TBC1D22A: variants seen among roughly 807,000 people sequenced by gnomAD.
TBC1D22A encodes putative GTPase activator.
A neutral mutation model predicts 60.2 loss-of-function variants in TBC1D22A; 38 were observed. The observed-to-expected ratio is 0.63, with a 90% confidence interval of 0.49 to 0.83. The LOEUF (loss-of-function observed/expected upper bound fraction) is 0.83. Among genes scored for constraint, TBC1D22A ranks in the 40% least tolerant of loss-of-function variants. The pLI is 0.00. For synonymous variants in TBC1D22A, 302 were observed against 281.7 expected (o/e 1.07, Z -0.72); for missense variants, 628 against 701.0 (o/e 0.90, Z 1.18).
intron 11 of TBC1D22A, among the ~76,000 whole-genome samples, chr22:47,108,203 T>C (rs1243253036): frequency 6.6e-6 from 1 of 152,234 alleles, no homozygotes; most frequent in Non-Finnish European, 1.5e-5. Context: ...TTCCTAAGTA[T>C]TTATCCAAGC....
At chr22:47,152,614 G>C (rs987159055) in intron 12 of TBC1D22A, among the ~76,000 whole-genome samples, 2 of 152,250 alleles carry the variant, frequency 1.3e-5, no homozygotes, top group Non-Finnish European at 2.9e-5. Context: ...GCCACACTTA[G>C]GGCCACTCTT....
chr22:46,980,004 A>C (rs1229666762), intron 9 of TBC1D22A, among the ~76,000 whole-genome samples: 1 of 152,058 alleles, frequency 6.6e-6, no homozygotes. Context: ...CAAACCAAGC[A>C]GAGAAGGAGT....
At chr22:46,970,297 C>T (rs2073996873) in intron 8 of TBC1D22A, among the ~76,000 whole-genome samples, 1 of 151,910 alleles carries the variant, frequency 6.6e-6, no homozygotes, top group South Asian at 2.1e-4. Context: ...GCATCTGGTT[C>T]TGCTTCCTGT....
At chr22:47,114,948 C>G (rs948453269) in intron 12 of TBC1D22A, among the ~76,000 whole-genome samples, 1 of 151,662 alleles carries the variant, frequency 6.6e-6, no homozygotes, top group Non-Finnish European at 1.5e-5. Context: ...GCCTTTGAGC[C>G]TCATGCGGGC....
At chr22:47,146,770 G>C (rs2067300392) in intron 12 of TBC1D22A, among the ~76,000 whole-genome samples, 1 of 152,230 alleles carries the variant, frequency 6.6e-6, no homozygotes. Flanking sequence ...TCATCTGGAG[G>C]ATGGGACGCC....
rs566497338 is a variant in TBC1D22A at position 46,834,227 on chromosome 22, T to G, written c.637+36607T>G. 3.0e-4 allele frequency among the ~76,000 whole-genome samples: 46 copies of G among 152,266 alleles called. 1 individual carries two copies. The South Asian group carries it at 8.7e-3, about 29-fold the overall frequency. ...GAAATACCAGAATAAAAAAGCACAC[T>G]GTGGCAAATGATGTCAGAAAGATGG... is the stretch of plus-strand genomic sequence containing the variant. On this transcript the variant is annotated intron_variant, in intron 4 of 12. Coordinates refer to ENST00000337137, the MANE Select transcript of TBC1D22A (RefSeq NM_014346.5).
chr22:46,778,915 G>A (rs965507823), intron 1 of TBC1D22A, among the ~76,000 whole-genome samples: 1 of 152,070 alleles, frequency 6.6e-6, no homozygotes, highest in Non-Finnish European at 1.5e-5. Context: ...GTGGTGGTGG[G>A]CACCTGTAAT....
intron 7 of TBC1D22A, among the ~76,000 whole-genome samples, chr22:46,901,697 T>G (rs6007995): frequency 0.15 from 17,994 of 117,908 alleles, 2,378 homozygotes; most frequent in African/African-American, 0.37. Flanking sequence ...CATCAAGTGT[T>G]ATAACTCACA....
intron 4 of TBC1D22A, among the ~76,000 whole-genome samples, chr22:46,875,915 G>T (rs1028312495): frequency 1.3e-5 from 2 of 152,158 alleles, no homozygotes; most frequent in Admixed American, 6.5e-5. Flanking sequence ...ACCTTCAGGA[G>T]CACATACATT....
At chr22:46,773,070 C>A (rs762451623) in intron 1 of TBC1D22A, among the ~76,000 whole-genome samples, 5 of 152,236 alleles carry the variant, frequency 3.3e-5, no homozygotes, top group Non-Finnish European at 5.9e-5. Flanking sequence ...CTTGCAGGGG[C>A]CTGTCCTGGC....
At chr22:46,825,510 A>G (rs996711698) in intron 4 of TBC1D22A, among the ~76,000 whole-genome samples, 4 of 152,184 alleles carry the variant, frequency 2.6e-5, no homozygotes, top group Non-Finnish European at 4.4e-5. Flanking sequence ...GTCTCACTCT[A>G]TCACCCGGGC....
chr22:46,907,090 TGCTCTTCACGTGTGTGC>T (rs981428581), intron 7 of TBC1D22A, among the ~76,000 whole-genome samples: 1 of 151,790 alleles, frequency 6.6e-6, no homozygotes, highest in Non-Finnish European at 1.5e-5. Flanking sequence ...TGTGTGTGTG[TGCTCTTCACGTGTGTGC>T]GCTCTTCTCC....
intron 9 of TBC1D22A, among the ~76,000 whole-genome samples, chr22:46,993,802 C>T (rs551190888): frequency 3.3e-5 from 5 of 152,346 alleles, no homozygotes; most frequent in Admixed American, 6.5e-5. Flanking sequence ...TCCTTGGCCA[C>T]GGTGTCTGCC....
intron 11 of TBC1D22A, among the ~76,000 whole-genome samples, chr22:47,104,033 A>G (rs891698264): frequency 6.6e-6 from 1 of 152,176 alleles, no homozygotes; most frequent in Non-Finnish European, 1.5e-5. Context: ...TTGGCTGGGC[A>G]CGGTGGCTCA....
At chr22:47,008,415 G>T (rs1362875627) in intron 10 of TBC1D22A, among the ~76,000 whole-genome samples, 1 of 152,196 alleles carries the variant, frequency 6.6e-6, no homozygotes, top group African/African-American at 2.4e-5. Context: ...CTCTCCCCAG[G>T]TGTAGAGTTC....
intron 4 of TBC1D22A, among the ~76,000 whole-genome samples, chr22:46,878,345 G>T (rs2067672179): frequency 6.8e-6 from 1 of 147,404 alleles, no homozygotes; most frequent in Non-Finnish European, 1.5e-5. Flanking sequence ...GAGGTGGGAG[G>T]GAAGGAGGCC....
At chr22:47,090,808 G>T (rs556423257) in intron 11 of TBC1D22A, among the ~76,000 whole-genome samples, 2 of 150,474 alleles carry the variant, frequency 1.3e-5, no homozygotes, top group East Asian at 4.0e-4. Flanking sequence ...CCTCGCGGAG[G>T]GGGTGGCTGC....
intron 9 of TBC1D22A, among the ~76,000 whole-genome samples, chr22:46,976,083 T>C (rs1381673287): frequency 2.6e-5 from 4 of 152,258 alleles, no homozygotes; most frequent in African/African-American, 9.6e-5. Context: ...TGAATCATAA[T>C]GTAAAACTTT....
chr22:47,064,135 C>T lies in TBC1D22A; in HGVS notation c.1329+26937C>T, dbSNP rs575858489. On this transcript the variant is annotated intron_variant, in intron 11 of 12. Transcript: ENST00000337137. Reference sequence around the variant, plus strand: ...GGGGCTTGAGGGACACGGATCCACTCGCTGTGGACAGGCCCTCGTGGAGCA... The same window carrying T: ...GGGGCTTGAGGGACACGGATCCACTTGCTGTGGACAGGCCCTCGTGGAGCA... Among the ~76,000 whole-genome samples, 15 of 152,368 alleles carry T rather than the reference C, an allele frequency of 9.8e-5. 1 individual carries two copies. The East Asian group carries it at 1.5e-3, about 16-fold the overall frequency.
Sources: gnomAD v4.1 joint callset for allele counts (sites outside exome capture counted in the v4.1 genomes callset) on GRCh38, gnomAD v4.1.1 for gene constraint, MANE v1.5 for transcripts, NCBI Gene and HGNC (gene_info 2026-07-23, HGNC 2026-07-21) for gene names.